Variants in UPF2 observed in about 807,000 individuals in gnomAD.
UPF2 encodes regulator of nonsense transcripts 2.
In UPF2, 17 loss-of-function variants were observed where a neutral mutation model predicts 141.4. That is an observed-to-expected ratio of 0.12 (90% CI 0.08 to 0.18). UPF2 has a LOEUF of 0.18. Among genes scored for constraint, UPF2 ranks in the 10% least tolerant of loss-of-function variants. The probability of loss-of-function intolerance (pLI) is 1.00; values close to 1 mark genes in which losing one functional copy is unlikely to be tolerated. For missense variants in UPF2, 1,152 were observed against 1,515.9 expected (o/e 0.76, Z 3.99); for synonymous variants, 540 against 498.0 (o/e 1.08, Z -1.12).
At chr10:11,960,109 T>C (rs369277082) in intron 11 of UPF2, among the ~76,000 whole-genome samples, 1 of 152,174 alleles carries the variant, frequency 6.6e-6, no homozygotes. Context: ...TTCTGTGCCT[T>C]GTGGAATGTT....
chr10:11,940,821 C>T lies in UPF2; in HGVS notation c.3378+1844G>A, dbSNP rs760421183. On this transcript the variant is annotated intron_variant, in intron 18 of 21. Transcript: ENST00000357604. This position sits in a 1 kb window ranked among gnomAD's most constrained non-coding sequence, Gnocchi z 4.2. Reference sequence around the variant, plus strand: ...TGGTGGGTACCTCTGCCCTCCCACACAGGATTGTGCCCCGCCCTCTATTAG... The same window carrying T: ...TGGTGGGTACCTCTGCCCTCCCACATAGGATTGTGCCCCGCCCTCTATTAG... 1.3e-5 allele frequency among the ~76,000 whole-genome samples: 2 copies of T among 152,216 alleles called. No homozygotes were observed. Among genetic ancestry groups the T allele is most frequent in the Non-Finnish European group, 2.9e-5 (2 of 68,046 alleles).
intron 8 of UPF2, among the ~76,000 whole-genome samples, chr10:11,995,530 A>C (rs1291814833): frequency 6.6e-6 from 1 of 152,156 alleles, no homozygotes; most frequent in Non-Finnish European, 1.5e-5. Flanking sequence ...CACACATCTA[A>C]TCCCAGCACT....
At chr10:11,993,092 G>A (rs2131253147) in intron 8 of UPF2, among the ~76,000 whole-genome samples, 2 of 145,980 alleles carry the variant, frequency 1.4e-5, no homozygotes, top group South Asian at 4.4e-4. Flanking sequence ...GGAGGTTGCA[G>A]TGAGCAGAGA....
Position 11,948,478 on chromosome 10 carries a change from G to A in UPF2, c.3065C>T (p.Ser1022Phe). The A allele has an allele frequency of 6.2e-7, 1 of 1,612,654 alleles. No homozygotes were observed. ...GLVNDKDSKD[S>F]MTEGENLEED... is the part of the protein sequence containing the mutation. ...TTCAAGATTTTCTCCTTCTGTCATA[G>A]AATCTTTTGAGTCTTTGTCATTTAC... The change falls in exon 16 of 22, where the codon TCT becomes TTT. Residue 1022 changes from serine (S) to phenylalanine (F), a missense_variant. By Grantham distance (155) the Ser-to-Phe change is radical. Coordinates refer to ENST00000357604, the MANE Select transcript of UPF2 (RefSeq NM_015542.4).
intron 1 of UPF2, among the ~76,000 whole-genome samples, chr10:12,037,561 AATTT>A (rs1834655019): frequency 6.6e-6 from 1 of 151,194 alleles, no homozygotes. Flanking sequence ...ACACTCAGCT[AATTT>A]TTGTATTTTT....
At chr10:11,934,744 C>T (rs1165998122) in intron 19 of UPF2, among the ~76,000 whole-genome samples, 5 of 152,164 alleles carry the variant, frequency 3.3e-5, no homozygotes, top group African/African-American at 1.2e-4. Flanking sequence ...CACACGCCAC[C>T]AAGCCTGGCT....
chr10:12,008,204 G>A (rs1012634443), intron 4 of UPF2, among the ~76,000 whole-genome samples: 1 of 151,684 alleles, frequency 6.6e-6, no homozygotes, highest in Non-Finnish European at 1.5e-5. Flanking sequence ...GGGGGTGGGG[G>A]TATAAAAGAT....
intron 9 of UPF2, among the ~76,000 whole-genome samples, chr10:11,975,683 GTT>G (rs1376568231): frequency 3.6e-5 from 5 of 137,590 alleles, no homozygotes; most frequent in Non-Finnish European, 3.2e-5. Context: ...TAATTTTGTT[GTT>G]TTTTTTTTTT....
At chr10:11,969,953 C>T (rs1006791594) in intron 9 of UPF2, among the ~76,000 whole-genome samples, 39 of 152,318 alleles carry the variant, frequency 2.6e-4, no homozygotes, top group African/African-American at 9.4e-4. Context: ...CCTTGTATAT[C>T]TGTATCTCTA....
chr10:11,999,492 G>A (rs1409139040), intron 7 of UPF2, among the ~76,000 whole-genome samples: 6 of 117,270 alleles, frequency 5.1e-5, no homozygotes, highest in African/African-American at 1.4e-4. Context: ...CAGCCTAGGC[G>A]AAAGAGTGAG....
At chr10:12,025,893 C>G (rs569900145) in intron 3 of UPF2, among the ~76,000 whole-genome samples, 1 of 152,264 alleles carries the variant, frequency 6.6e-6, no homozygotes, top group East Asian at 1.9e-4. Flanking sequence ...TTTCCAGGCT[C>G]AACTGATCCT....
At chr10:12,010,758 C>T (rs940690222) in intron 4 of UPF2, among the ~76,000 whole-genome samples, 2 of 151,760 alleles carry the variant, frequency 1.3e-5, no homozygotes, top group Non-Finnish European at 2.9e-5. Context: ...GTACAAGAAA[C>T]GAAGAAAACC....
Position 11,959,303 on chromosome 10 carries a change from T to A in UPF2, c.2238A>T (p.Thr746=), listed in dbSNP as rs1442278238. 3.1e-6 allele frequency: 5 copies of A among 1,603,248 alleles called. No individual in the cohort carries two copies. The highest frequency in any genetic ancestry group is 4.2e-6 in the Non-Finnish European group (5 of 1,177,220). The change falls in exon 12 of 22, where the codon ACA becomes ACT. Residue 746 remains threonine (T), a synonymous_variant. Transcript: ENST00000357604. The surrounding 1 kb of genome is among the most constrained non-coding windows in gnomAD (Gnocchi z 5.9). ...QAMHLDARYV[T]MVENAYYYCN... ...AGTAGTAATATGCATTCTCTACCAT[T>A]GTGACGTATCTCGCATCAAGATGCA...
intron 9 of UPF2, among the ~76,000 whole-genome samples, chr10:11,975,705 C>T (rs60539953): frequency 0.014 from 2,106 of 151,120 alleles, 49 homozygotes; most frequent in African/African-American, 0.048. Context: ...TTTAGGGAGA[C>T]GGAGTTTCTC....
intron 17 of UPF2, 98 bp downstream of exon 17, chr10:11,942,966 T>C (rs1455440803): frequency 6.9e-6 from 7 of 1,015,258 alleles, no homozygotes; most frequent in Non-Finnish European, 8.8e-6. Context: ...GAAATATTTT[T>C]CATAATCAAA....
At chr10:11,929,760 C>G in intron 21 of UPF2, 105 bp downstream of exon 21, 1 of 1,473,512 alleles carries the variant, frequency 6.8e-7, no homozygotes, top group Non-Finnish European at 9.1e-7. Context: ...TTCTATTTTG[C>G]TAAAAATCGG....
chr10:11,954,103 T>G (rs1251096195), intron 14 of UPF2, among the ~76,000 whole-genome samples: 1 of 152,218 alleles, frequency 6.6e-6, no homozygotes. Flanking sequence ...GGGCTCCAAC[T>G]AATCAACCTA....
intron 1 of UPF2, among the ~76,000 whole-genome samples, chr10:12,041,697 C>T (rs1208886964): frequency 6.6e-6 from 1 of 152,204 alleles, no homozygotes; most frequent in East Asian, 1.9e-4. Flanking sequence ...GGAACACTAT[C>T]TCCCAGTTTC....
At position 11,955,374 on chromosome 10, in the gene UPF2, G is replaced by A. The variant is rs761249587; in HGVS notation, c.2708C>T (p.Pro903Leu). ...GTCCAGGGAACTTGGAGAGCCATCA[G>A]GATTAACACCAAATGAGGTAAAAGA... ...LYSFTSFGVN[P>L]DGSPSSLDPP... is the part of the protein sequence containing the mutation. Residue 903 changes from proline to leucine, a missense_variant, in exon 14 of 22, where the codon CCT becomes CTT. Physicochemically the swap from Pro to Leu is moderately conservative, Grantham distance 98. Around this residue, in one of 4 missense-constraint regions of UPF2, gnomAD observed 739 missense variants for 1,032.2 expected, o/e 0.72. Transcript: ENST00000357604. 3 of 1,614,022 alleles carry A rather than the reference G, an allele frequency of 1.9e-6. No individual in the cohort carries two copies. The highest frequency in any genetic ancestry group is 2.5e-6 in the Non-Finnish European group (3 of 1,180,032).
Sources: gnomAD v4.1 joint callset for allele counts (sites outside exome capture counted in the v4.1 genomes callset) on GRCh38, gnomAD v4.1.1 for gene constraint, gnomAD v4.1.1 regional missense constraint, Gnocchi (gnomAD v3.1) non-coding constraint, MANE v1.5 for transcripts, NCBI Gene and HGNC (gene_info 2026-07-23, HGNC 2026-07-21) for gene names.